EVC: variants seen among roughly 807,000 people sequenced by gnomAD.
EVC encodes the protein EvC ciliary complex subunit 1.
EVC carries 116 observed loss-of-function variants against 118.9 expected under a neutral mutation model. The ratio of observed to expected loss-of-function variants is 0.98; its 90% confidence interval spans 0.84 to 1.14. The LOEUF (loss-of-function observed/expected upper bound fraction) is 1.14. EVC is among the 50% of genes most tolerant of loss of function. The pLI is 0.00. For missense variants in EVC, 1,401 were observed against 1,246.4 expected (o/e 1.12, Z -1.87); for synonymous variants, 619 against 534.7 (o/e 1.16, Z -2.18).
intron 14 of EVC, among the ~76,000 whole-genome samples, chr4:5,797,661 T>G (rs1434127919): frequency 6.6e-6 from 1 of 152,178 alleles, no homozygotes; most frequent in Non-Finnish European, 1.5e-5. Context: ...GACCTCCCAT[T>G]TTGAAGTACT....
rs373726507 is a variant in EVC at position 5,798,620 on chromosome 4, A to G, written c.2132A>G (p.Glu711Gly). 106 of 1,584,958 alleles carry G rather than the reference A, an allele frequency of 6.7e-5. No homozygotes were observed. The African/African-American group carries it at 1.2e-3, about 18-fold the overall frequency. The change falls in exon 15 of 21, where the codon GAG becomes GGG. Residue 711 changes from glutamate (E) to glycine (G), a missense_variant. Physicochemically the swap from Glu to Gly is moderately conservative, Grantham distance 98. Coordinates refer to ENST00000264956, the MANE Select transcript of EVC (RefSeq NM_153717.3). The surrounding 1 kb of genome is among the most constrained non-coding windows in gnomAD (Gnocchi z 4.1). ...ARVLEEASRL[E>G]EEAQQTRLQL... ...GTGCTGGAGGAGGCCAGCCGGCTAG[A>G]GGAGGAAGCACAGCAGACACGGCTG...
chr4:5,827,517 C>G, the EVC span, among the ~76,000 whole-genome samples: 23 of 152,238 alleles, frequency 1.5e-4, no homozygotes, highest in African/African-American at 5.5e-4. Context: ...CTGGACTTCT[C>G]CATCTCAATT....
rs1411776741 is a variant in EVC, at chr4:5,798,736, G to T, written c.2248G>T (p.Val750Leu). 7.4e-6 allele frequency: 12 copies of T among 1,611,020 alleles called. No individual in the cohort carries two copies. The highest frequency in any genetic ancestry group is 1.0e-5 in the Non-Finnish European group (12 of 1,179,962). Residue 750 changes from valine to leucine, a missense_variant, in exon 15 of 21, where the codon GTG becomes TTG. Physicochemically the swap from Val to Leu is conservative, Grantham distance 32. Coordinates refer to ENST00000264956, the MANE Select transcript of EVC (RefSeq NM_153717.3). This position sits in a 1 kb window ranked among gnomAD's most constrained non-coding sequence, Gnocchi z 4.1. Reference sequence around the variant, plus strand: ...GTGCGCCATTGGGCAGGCGCTGCTGGTGCATGCACGGAATGCAGCCACCAA... The same window carrying T: ...GTGCGCCATTGGGCAGGCGCTGCTGTTGCATGCACGGAATGCAGCCACCAA... ...MECAIGQALLVHARNAATKSR... is the reference protein window; with the variant it reads ...MECAIGQALLLHARNAATKSR...
the EVC span, chr4:5,821,862 G>A: frequency 6.4e-7 from 1 of 1,550,610 alleles, no homozygotes; most frequent in Non-Finnish European, 8.7e-7. This position sits in a 1 kb window ranked among gnomAD's most constrained non-coding sequence, Gnocchi z 4.4. Context: ...CTGAAAGAGA[G>A]CGCCAATCGC....
At chr4:5,815,862 TGGAA>T (rs1717591197), downstream of EVC, among the ~76,000 whole-genome samples, 1 of 151,936 alleles carries the variant, frequency 6.6e-6, no homozygotes, top group Non-Finnish European at 1.5e-5. Context: ...GGTCACCTGG[TGGAA>T]GGAAGGGAGG....
At chr4:5,725,254 G>T (rs868319617) in intron 2 of EVC, among the ~76,000 whole-genome samples, 1 of 152,144 alleles carries the variant, frequency 6.6e-6, no homozygotes, top group Non-Finnish European at 1.5e-5. Context: ...AAGGATTGCT[G>T]GGACAAATGG....
intron 12 of EVC, 84 bp from the exon 13 acceptor site, chr4:5,793,524 A>G (rs1713180812): frequency 8.4e-7 from 1 of 1,191,246 alleles, no homozygotes; most frequent in Non-Finnish European, 1.2e-6. Flanking sequence ...CACACAAACA[A>G]GAAACAAAAT....
Position 5,758,015 on chromosome 4 carries a change from G to A in EVC, c.1563+1653G>A, listed in dbSNP as rs1361040535. 39 of 697,420 alleles carry A rather than the reference G, an allele frequency of 5.6e-5. No individual in the cohort carries two copies. In the Middle Eastern group the frequency reaches 1.4e-3, roughly 25 times the overall value. The allele number at this position is 697,420 out of a possible 1,614,324, so 43.2% of individuals were successfully genotyped here. ...CTTTGCAGATGTAATTGGTTAGATCGCACAGTTGGTTAGGTCCTACTGGAT... is the reference window on the plus strand; with the variant it reads ...CTTTGCAGATGTAATTGGTTAGATCACACAGTTGGTTAGGTCCTACTGGAT... On this transcript the variant is annotated intron_variant, in intron 11 of 20. Transcript: ENST00000264956.
In EVC at chr4:5,754,559, G is replaced by A. The variant is rs1381992438; in HGVS notation, c.1464+626G>A. Among the ~76,000 whole-genome samples, 1 of 152,150 alleles carries A rather than the reference G, an allele frequency of 6.6e-6. No homozygotes were observed. The highest frequency in any genetic ancestry group is 1.5e-5 in the Non-Finnish European group (1 of 68,028). ...CTCGCCAGTTCTCAGAGAGACCACC[G>A]AGCTCTGGTTTCGCTCTGCTTGCTT... On this transcript the variant is annotated intron_variant, in intron 10 of 20. Coordinates refer to ENST00000264956, the MANE Select transcript of EVC (RefSeq NM_153717.3). This position sits in a 1 kb window ranked among gnomAD's most constrained non-coding sequence, Gnocchi z 5.8.
Position 5,813,709 on chromosome 4 carries a change from G to C in EVC, c.*2672G>C, listed in dbSNP as rs1262522836. ...TTCTCCTCTGAGAAGGCTCCCGGCT[G>C]CCTCCCCGCCACCGAGCTTGTAGCC... On this transcript the variant is annotated 3_prime_UTR_variant, in exon 21 of 21. Coordinates refer to ENST00000264956, the MANE Select transcript of EVC (RefSeq NM_153717.3). The C allele has an allele frequency of 6.6e-6, 1 of 152,186 alleles. No individual in the cohort carries two copies. The highest frequency in any genetic ancestry group is 6.5e-5 in the Admixed American group (1 of 15,282). 9.4% of individuals were successfully genotyped at this position (152,186 alleles called of 1,614,324 possible).
Position 5,811,358 on chromosome 4 carries a change from C to G in EVC, c.*321C>G. The G allele has an allele frequency of 2.7e-6, 1 of 369,480 alleles. No individual in the cohort carries two copies. Among genetic ancestry groups the G allele is most frequent in the Non-Finnish European group, 5.1e-6 (1 of 195,258 alleles). The allele number at this position is 369,480 out of a possible 1,614,324, so 22.9% of individuals were successfully genotyped here. A position where few individuals can be genotyped will look rare whatever the true frequency, so the allele number is the denominator to read the frequency against. On this transcript the variant is annotated 3_prime_UTR_variant, in exon 21 of 21. Transcript: ENST00000264956. Reference sequence around the variant, plus strand: ...GGGTCCGAGCCTCAGGCCAAGGACCCCTGATGCAGACTCTGGAATCCCTGG... The same window carrying G: ...GGGTCCGAGCCTCAGGCCAAGGACCGCTGATGCAGACTCTGGAATCCCTGG...
At chr4:5,767,492 C>T (rs936866090) in intron 11 of EVC, among the ~76,000 whole-genome samples, 3 of 150,710 alleles carry the variant, frequency 2.0e-5, no homozygotes, top group African/African-American at 4.9e-5. Flanking sequence ...GGCGCCTCTC[C>T]CCCAGCGTGG....
At chr4:5,779,032 G>A (rs1735177974) in intron 11 of EVC, among the ~76,000 whole-genome samples, 1 of 152,146 alleles carries the variant, frequency 6.6e-6, no homozygotes. Flanking sequence ...GTGTAAGGAA[G>A]GGATCCAGTT....
At chr4:5,750,179 G>A (rs796206301) in intron 8 of EVC, among the ~76,000 whole-genome samples, 1 of 152,072 alleles carries the variant, frequency 6.6e-6, no homozygotes. Flanking sequence ...GCTGAGCCTG[G>A]GCCTGAAGCT....
chr4:5,737,403 A>G lies in EVC; in HGVS notation c.702+3968A>G, dbSNP rs767767427. On this transcript the variant is annotated intron_variant, in intron 5 of 20. Coordinates refer to ENST00000264956, the MANE Select transcript of EVC (RefSeq NM_153717.3). This position sits in a 1 kb window ranked among gnomAD's most constrained non-coding sequence, Gnocchi z 5.0. ...GACCATTGAGCAAGGTGGCTGCACT[A>G]AACAACAGATTTTCAATGCAGATGA... Among the ~76,000 whole-genome samples, 5 of 152,254 alleles carry G rather than the reference A, an allele frequency of 3.3e-5. No homozygotes were observed. Among genetic ancestry groups the G allele is most frequent in the African/African-American group, 1.2e-4 (5 of 41,472 alleles).
intron 11 of EVC, among the ~76,000 whole-genome samples, chr4:5,761,051 T>C (rs930811123): frequency 2.6e-5 from 4 of 152,174 alleles, no homozygotes; most frequent in African/African-American, 7.2e-5. Flanking sequence ...AAATCCTCCA[T>C]TGCCGATTGG....
Position 5,749,630 on chromosome 4 carries a change from C to T in EVC, c.1098+1324C>T, listed in dbSNP as rs750872127. ...TAACACCCCAGTCACCATTGGGTTC[C>T]TCTTGGTACACATTGGGCTCATCCT... On this transcript the variant is annotated intron_variant, in intron 8 of 20. Coordinates refer to ENST00000264956, the MANE Select transcript of EVC (RefSeq NM_153717.3). The surrounding 1 kb of genome is among the most constrained non-coding windows in gnomAD (Gnocchi z 4.4). Among the ~76,000 whole-genome samples the T allele has an allele frequency of 6.6e-6, 1 of 152,150 alleles. No homozygotes were observed. The highest frequency in any genetic ancestry group is 1.5e-5 in the Non-Finnish European group (1 of 68,036).
At chr4:5,797,969 C>T (rs1043694071) in intron 14 of EVC, among the ~76,000 whole-genome samples, 5 of 152,158 alleles carry the variant, frequency 3.3e-5, no homozygotes, top group Admixed American at 1.3e-4. Context: ...CTCCAGGCCT[C>T]CTGCATGTAG....
In EVC at chr4:5,749,892, G is replaced by T. The variant is rs142914606; in HGVS notation, c.1098+1586G>T. ...CAATCCGCTCTGCTCCTCCAGGTGT[G>T]ATCCACAGACCACAGCATCGGCAAC... On this transcript the variant is annotated intron_variant, in intron 8 of 20. Transcript: ENST00000264956. The surrounding 1 kb of genome is among the most constrained non-coding windows in gnomAD (Gnocchi z 4.4). Among the ~76,000 whole-genome samples the T allele has an allele frequency of 2.0e-3, 311 of 152,252 alleles. No individual in the cohort carries two copies. Among genetic ancestry groups the T allele is most frequent in the African/African-American group, 6.7e-3 (280 of 41,550 alleles).
Sources: gnomAD v4.1 joint callset for allele counts (sites outside exome capture counted in the v4.1 genomes callset) on GRCh38, gnomAD v4.1.1 for gene constraint, Gnocchi (gnomAD v3.1) non-coding constraint, MANE v1.5 for transcripts, NCBI Gene and HGNC (gene_info 2026-07-23, HGNC 2026-07-21) for gene names.